YIPF4: variants seen among roughly 807,000 people sequenced by gnomAD.
The protein encoded by YIPF4 is Yip1 domain family member 4.
YIPF4 carries 18 observed loss-of-function variants against 29.4 expected under a neutral mutation model. The ratio of observed to expected loss-of-function variants is 0.61; its 90% CI spans 0.42 to 0.91. The LOEUF (loss-of-function observed/expected upper bound fraction) is 0.91. Among genes scored for constraint, YIPF4 ranks in the 40% least tolerant of loss-of-function variants. The probability of loss-of-function intolerance (pLI) is 0.00; values close to 1 mark genes in which losing one functional copy is unlikely to be tolerated. For synonymous variants in YIPF4, 115 were observed against 104.7 expected (o/e 1.10, Z -0.60); for missense variants, 279 against 282.7 (o/e 0.99, Z 0.09).
rs58882814 is a variant in YIPF4 at position 32,281,894 on chromosome 2, CAA to C, written c.79+3680_79+3681del. The stretch of plus-strand genomic sequence containing the variant: ...TGGGTGACAGGGTGAGACTCTGTCT[CAA>C]AAAAAAAAAAAAAAAAAAAGGCAAC... On this transcript the variant is annotated intron_variant, in intron 1 of 5. Transcript: ENST00000238831. 3.0e-4 allele frequency among the ~76,000 whole-genome samples: 16 copies of C among 53,430 alleles called. No homozygotes were observed. The East Asian group carries it at 3.7e-3, about 12-fold the overall frequency. The allele number at this position is 53,430 out of a possible 152,430, so 35.1% of individuals were successfully genotyped here. A position where few individuals can be genotyped will look rare whatever the true frequency, so the allele number is the denominator to read the frequency against.
rs2148971237 is a variant in YIPF4, at chr2:32,314,174, A to T, written c.*8548A>T. 1 of 152,362 alleles carries T rather than the reference A, an allele frequency of 6.6e-6. No individual in the cohort carries two copies. Among genetic ancestry groups the T allele is most frequent in the East Asian group, 1.9e-4 (1 of 5,190 alleles). The allele number at this position is 152,362 out of a possible 1,614,324, so 9.4% of individuals were successfully genotyped here. ...AACACAGAATAGACAAGTTGGTATA[A>T]TTACACAATGGAATCTTATGCAGCA... is the stretch of plus-strand genomic sequence containing the variant. On this transcript the variant is annotated 3_prime_UTR_variant, in exon 6 of 6. Transcript: ENST00000238831.
At chr2:32,297,721 T>C (rs2031250022) in intron 3 of YIPF4, among the ~76,000 whole-genome samples, 1 of 152,138 alleles carries the variant, frequency 6.6e-6, no homozygotes, top group Non-Finnish European at 1.5e-5. Flanking sequence ...AATGTGCTTA[T>C]GTTGCTACTG....
intron 1 of YIPF4, among the ~76,000 whole-genome samples, chr2:32,284,517 C>T (rs1195621980): frequency 6.6e-6 from 1 of 152,192 alleles, no homozygotes; most frequent in Non-Finnish European, 1.5e-5. Context: ...AGCACCTCCA[C>T]TGTCTGTCTC....
At chr2:32,293,792 G>A (rs1484078820) in intron 3 of YIPF4, among the ~76,000 whole-genome samples, 3 of 150,742 alleles carry the variant, frequency 2.0e-5, no homozygotes, top group African/African-American at 7.3e-5. Context: ...AGGGGCGGCT[G>A]GGCAGAGGCG....
At position 32,290,621 on chromosome 2, in the gene YIPF4, A is replaced by G; in HGVS notation, c.218A>G (p.Asp73Gly). 6.5e-7 allele frequency: 1 copy of G among 1,540,936 alleles called. No homozygotes were observed. The highest frequency in any genetic ancestry group is 2.4e-5 in the East Asian group (1 of 41,278). ...LLEVEDDDPE[D>G]NKPLLEELDI... Reference sequence around the variant, plus strand: ...GAAGTTGAAGATGATGATCCTGAAGATAACAAGCCACTCTTGTATGTAAAA... The same window carrying G: ...GAAGTTGAAGATGATGATCCTGAAGGTAACAAGCCACTCTTGTATGTAAAA... Residue 73 changes from aspartate to glycine, a missense_variant, in exon 2 of 6, where the codon GAT (aspartate) becomes GGT (glycine). Coordinates refer to ENST00000238831, the MANE Select transcript of YIPF4 (RefSeq NM_032312.4).
At position 32,311,552 on chromosome 2, in the gene YIPF4, G is replaced by A. The variant is rs567994792; in HGVS notation, c.*5926G>A. ...TTATAGTAGTCCATGCTATACTAAT[G>A]CTGTTGCTGAGATAATTAAGTTAGA... On this transcript the variant is annotated 3_prime_UTR_variant, in exon 6 of 6. Coordinates refer to ENST00000238831, the MANE Select transcript of YIPF4 (RefSeq NM_032312.4). 6.6e-6 allele frequency: 1 copy of A among 152,226 alleles called. No individual in the cohort carries two copies. Among genetic ancestry groups the A allele is most frequent in the South Asian group, 2.1e-4 (1 of 4,822 alleles). The allele number at this position is 152,226 out of a possible 1,614,324, so 9.4% of individuals were successfully genotyped here.
chr2:32,278,323 C>A, intron 1 of YIPF4, 89 bp downstream of exon 1: 1 of 1,319,014 alleles, frequency 7.6e-7, no homozygotes, highest in Non-Finnish European at 1.0e-6. Context: ...TGGTCGTGGC[C>A]GGGTGGGGAC....
At chr2:32,292,814 A>G (rs1252550832) in intron 3 of YIPF4, among the ~76,000 whole-genome samples, 3 of 151,190 alleles carry the variant, frequency 2.0e-5, no homozygotes, top group East Asian at 1.9e-4. Context: ...CAGTGAGCCA[A>G]GATCACGCCA....
rs972763638 is a variant in YIPF4 at position 32,309,394 on chromosome 2, C to G, written c.*3768C>G. ...GAAAAAGTCTGAAACCTGAGAAACT[C>G]TGGTCCCAAGCATTTTGGAAAGGGT... On this transcript the variant is annotated 3_prime_UTR_variant, in exon 6 of 6. Transcript: ENST00000238831. 1 of 152,188 alleles carries G rather than the reference C, an allele frequency of 6.6e-6. No homozygotes were observed. The highest frequency in any genetic ancestry group is 2.4e-5 in the African/African-American group (1 of 41,442). The allele number at this position is 152,188 out of a possible 1,614,324, so 9.4% of individuals were successfully genotyped here.
At position 32,293,713 on chromosome 2, in the gene YIPF4, C is replaced by T. The variant is rs1450985192; in HGVS notation, c.405+1365C>T. On this transcript the variant is annotated intron_variant, in intron 3 of 5. Coordinates refer to ENST00000238831, the MANE Select transcript of YIPF4 (RefSeq NM_032312.4). ...CTCCCGGAAGGGGCGGCTGGCCGGG[C>T]GGGGGGCTGACCCCCCAACCTCCCG... is the stretch of plus-strand genomic sequence containing the variant. 4.0e-5 allele frequency among the ~76,000 whole-genome samples: 6 copies of T among 151,058 alleles called. 1 individual carries two copies. The South Asian group carries it at 8.3e-4, about 21-fold the overall frequency.
chr2:32,286,824 A>T (rs1028160817), intron 1 of YIPF4, among the ~76,000 whole-genome samples: 1 of 151,928 alleles, frequency 6.6e-6, no homozygotes, highest in Non-Finnish European at 1.5e-5. Context: ...GAGCCACCCC[A>T]CCCTGCTGAA....
intron 3 of YIPF4, among the ~76,000 whole-genome samples, chr2:32,297,860 T>C (rs1224284445): frequency 6.6e-6 from 1 of 152,152 alleles, no homozygotes; most frequent in African/African-American, 2.4e-5. Context: ...TGAATAAATA[T>C]GTAATCTAAA....
chr2:32,285,738 C>T (rs1055542528), intron 1 of YIPF4, among the ~76,000 whole-genome samples: 8 of 151,472 alleles, frequency 5.3e-5, no homozygotes, highest in African/African-American at 9.7e-5. Flanking sequence ...TCATTGCAAC[C>T]TCCACCTCCC....
At chr2:32,282,471 C>T (rs1475268725) in intron 1 of YIPF4, among the ~76,000 whole-genome samples, 2 of 152,146 alleles carry the variant, frequency 1.3e-5, no homozygotes, top group African/African-American at 4.8e-5. Flanking sequence ...CTCGCCCTGT[C>T]GCCCAGGCTG....
chr2:32,284,754 A>G (rs2030582596), intron 1 of YIPF4, among the ~76,000 whole-genome samples: 1 of 152,308 alleles, frequency 6.6e-6, no homozygotes, highest in Non-Finnish European at 1.5e-5. Flanking sequence ...GCATTTAATT[A>G]TCTGAAGTTG....
chr2:32,298,165 A>G lies in YIPF4; in HGVS notation c.406-69A>G, dbSNP rs1420697429. ...GCTAAACTGTCATTTATGGCAGAGA[A>G]TCGAGTTCCTGGAAAATTATCATCT... On this transcript the variant is annotated intron_variant, in intron 3 of 5. Transcript: ENST00000238831. The G allele has an allele frequency of 1.2e-5, 15 of 1,233,178 alleles. No homozygotes were observed. In the East Asian group the frequency reaches 3.3e-4, roughly 27 times the overall value. 76.4% of individuals were successfully genotyped at this position (1,233,178 alleles called of 1,614,324 possible). A position where few individuals can be genotyped will look rare whatever the true frequency, so the allele number is the denominator to read the frequency against.
chr2:32,311,362 T>C lies in YIPF4; in HGVS notation c.*5736T>C, dbSNP rs1452498405. ...GTTTTCTCTTTGAAAATTCTTTTGA[T>C]ATGCTGAGGTTACAGTTTGGAGGTT... is the stretch of plus-strand genomic sequence containing the variant. On this transcript the variant is annotated 3_prime_UTR_variant, in exon 6 of 6. Transcript: ENST00000238831. 6.6e-6 allele frequency: 1 copy of C among 152,220 alleles called. No homozygotes were observed. The highest frequency in any genetic ancestry group is 6.5e-5 in the Admixed American group (1 of 15,272). 9.4% of individuals were successfully genotyped at this position (152,220 alleles called of 1,614,324 possible).
Position 32,311,897 on chromosome 2 carries a change from T to C in YIPF4, c.*6271T>C, listed in dbSNP as rs973523029. ...AAGCAGATTGCTGCTATTTGCATAA[T>C]AAGCACTTGTTGAAGAATAAATGAT... On this transcript the variant is annotated 3_prime_UTR_variant, in exon 6 of 6. Transcript: ENST00000238831. 6.6e-6 allele frequency: 1 copy of C among 152,232 alleles called. No homozygotes were observed. Among genetic ancestry groups the C allele is most frequent in the African/African-American group, 2.4e-5 (1 of 41,480 alleles). 9.4% of individuals were successfully genotyped at this position (152,232 alleles called of 1,614,324 possible). A position where few individuals can be genotyped will look rare whatever the true frequency, so the allele number is the denominator to read the frequency against.
Position 32,307,321 on chromosome 2 carries a change from G to A in YIPF4, c.*1695G>A. The A allele has an allele frequency of 8.6e-6, 2 of 232,154 alleles. No homozygotes were observed. The highest frequency in any genetic ancestry group is 9.0e-5 in the South Asian group (1 of 11,126). 14.4% of individuals were successfully genotyped at this position (232,154 alleles called of 1,614,324 possible). A position where few individuals can be genotyped will look rare whatever the true frequency, so the allele number is the denominator to read the frequency against. ...GAAAGCTTGGGGGTCAGGACCAGGA[G>A]GTAGAATTTTACAAGGCAATAAATG... is the stretch of plus-strand genomic sequence containing the variant. On this transcript the variant is annotated 3_prime_UTR_variant, in exon 6 of 6. Coordinates refer to ENST00000238831, the MANE Select transcript of YIPF4 (RefSeq NM_032312.4).
Sources: allele counts gnomAD v4.1 joint callset (sites outside exome capture counted in the v4.1 genomes callset), GRCh38; gene constraint gnomAD v4.1.1; transcripts MANE v1.5; gene names NCBI Gene and HGNC (gene_info 2026-07-23, HGNC 2026-07-21).